The following DNM1 variants were observed in gnomAD, a reference collection of about 807,000 sequenced individuals.
DNM1 encodes the protein dynamin-1.
A neutral mutation model predicts 104.6 loss-of-function variants in DNM1; 29 were observed. The observed-to-expected ratio is 0.28, with a 90% CI of 0.21 to 0.38. The LOEUF is 0.38. Among genes scored for constraint, DNM1 ranks in the 10% least tolerant of loss-of-function variants. The probability of loss-of-function intolerance (pLI) is 1.00; values close to 1 mark genes in which losing one functional copy is unlikely to be tolerated. For synonymous variants in DNM1, 445 were observed against 475.8 expected, an observed-to-expected ratio of 0.94 and a Z score of 0.84; for missense variants, 640 against 1,189.4, an observed-to-expected ratio of 0.54 and a Z score of 6.79.
At position 128,220,933 on chromosome 9, in the gene DNM1, C is replaced by CTTTCT. The variant is rs752399546; in HGVS notation, c.849+595_849+596insCTTTT. On this transcript the variant is annotated intron_variant, in intron 6 of 21. Transcript: ENST00000372923. This position sits in a 1 kb window ranked among gnomAD's most constrained non-coding sequence, Gnocchi z 5.2. Reference sequence around the variant, plus strand: ...TCTTTCTTTCTTTCTTTCTTTCTTTCTTTTCTTTTCTTTCTTTCTTTCCTT... The same window carrying CTTTCT: ...TCTTTCTTTCTTTCTTTCTTTCTTTCTTTCTTTTTCTTTTCTTTCTTTCTTTCCTT... 2.3e-5 allele frequency among the ~76,000 whole-genome samples: 2 copies of CTTTCT among 86,396 alleles called. No homozygotes were observed. The highest frequency in any genetic ancestry group is 7.9e-5 in the African/African-American group (2 of 25,254). The allele number at this position is 86,396 out of a possible 152,430, so 56.7% of individuals were successfully genotyped here. A position where few individuals can be genotyped will look rare whatever the true frequency, so the allele number is the denominator to read the frequency against.
At chr9:128,230,378 TCACCATAG>T (rs1473489322) in intron 10 of DNM1, among the ~76,000 whole-genome samples, 8 of 151,142 alleles carry the variant, frequency 5.3e-5, no homozygotes, top group African/African-American at 1.9e-4. Context: ...AAAGGCGTAT[TCACCATAG>T]GAATCTTTTT....
intron 10 of DNM1, chr9:128,233,803 C>T (rs538645603): frequency 5.2e-6 from 3 of 581,550 alleles, no homozygotes; most frequent in African/African-American, 1.9e-5. Flanking sequence ...ACCAGGAAGA[C>T]CCTTGAATCA....
At chr9:128,207,794 G>T (rs1224516401) in intron 1 of DNM1, among the ~76,000 whole-genome samples, 1 of 152,158 alleles carries the variant, frequency 6.6e-6, no homozygotes, top group Non-Finnish European at 1.5e-5. Context: ...TGGAGGACGC[G>T]CTGCTTCTAT....
intron 21 of DNM1, chr9:128,252,613 A>G (rs1829597409): frequency 2.5e-6 from 1 of 398,720 alleles, no homozygotes; most frequent in Non-Finnish European, 5.0e-6. Context: ...AGAACCTTCA[A>G]AGTCTGAAAA....
At chr9:128,239,706 C>T in intron 12 of DNM1, 22 bp from the exon 13 acceptor site, 1 of 1,609,894 alleles carries the variant, frequency 6.2e-7, no homozygotes, top group Non-Finnish European at 8.5e-7. Context: ...AGTTCTGAGA[C>T]TCCTCCCCTC....
Position 128,222,154 on chromosome 9 carries a change from TG to T in DNM1, c.850-42del, listed in dbSNP as rs1234722430. 2 of 1,578,282 alleles carry T rather than the reference TG, an allele frequency of 1.3e-6. No homozygotes were observed. Among genetic ancestry groups the T allele is most frequent in the South Asian group, 2.4e-5 (2 of 84,724 alleles). On this transcript the variant is annotated intron_variant, in intron 6 of 21. Coordinates refer to ENST00000372923, the MANE Select transcript of DNM1 (RefSeq NM_004408.4). The surrounding 1 kb of genome is among the most constrained non-coding windows in gnomAD (Gnocchi z 7.8). ...TGGCATCCAAGTCCCTTCCTGGCCC[TG>T]TGACCATCTGTCCTCAACCCTTTCC... is the stretch of plus-strand genomic sequence containing the variant.
Position 128,218,231 on chromosome 9 carries a change from G to T in DNM1, c.162G>T (p.Arg54Ser). The change falls in exon 2 of 22, where the codon AGG (arginine) becomes AGT (serine). Residue 54 changes from arginine (R) to serine (S), a missense_variant and splice_region_variant. Coordinates refer to ENST00000372923, the MANE Select transcript of DNM1 (RefSeq NM_004408.4). This position sits in a 1 kb window ranked among gnomAD's most constrained non-coding sequence, Gnocchi z 4.8. ...KSSVLENFVG[R>S]DFLPRGSGIV... ...TCCTTTGACCTCCAACTCATTGCAG[G>T]GACTTCTTGCCTCGAGGATCTGGCA... is the stretch of plus-strand genomic sequence containing the variant. 2 of 1,614,060 alleles carry T rather than the reference G, an allele frequency of 1.2e-6. No individual in the cohort carries two copies. Among genetic ancestry groups the T allele is most frequent in the South Asian group, 2.2e-5 (2 of 91,068 alleles).
chr9:128,250,448 CG>C, intron 20 of DNM1, 92 bp downstream of exon 20: 1 of 1,346,688 alleles, frequency 7.4e-7, no homozygotes, highest in Non-Finnish European at 9.9e-7. Context: ...CCCGCGTCAC[CG>C]GGGTGGCTCC....
chr9:128,248,499 C>G lies in DNM1; in HGVS notation c.1906-84C>G. 2 of 1,524,108 alleles carry G rather than the reference C, an allele frequency of 1.3e-6. No homozygotes were observed. The highest frequency in any genetic ancestry group is 1.8e-6 in the Non-Finnish European group (2 of 1,117,170). The allele number at this position is 1,524,108 out of a possible 1,614,324, so 94.4% of individuals were successfully genotyped here. On this transcript the variant is annotated intron_variant, in intron 18 of 21. Coordinates refer to ENST00000372923, the MANE Select transcript of DNM1 (RefSeq NM_004408.4). This position sits in a 1 kb window ranked among gnomAD's most constrained non-coding sequence, Gnocchi z 5.6. ...CTCTGTGCCTCAATATTCTGGGTACCCTTGGAGGGGCTGAGATCCTGGGGA... is the reference window on the plus strand; with the variant it reads ...CTCTGTGCCTCAATATTCTGGGTACGCTTGGAGGGGCTGAGATCCTGGGGA...
Position 128,254,569 on chromosome 9 carries a change from CCCCGG to C in DNM1, c.2535-82_2535-78del. On this transcript the variant is annotated intron_variant, in intron 21 of 21. Transcript: ENST00000372923. The surrounding 1 kb of genome is among the most constrained non-coding windows in gnomAD (Gnocchi z 6.1). ...CCCACCACTGCTGCGGCGCGGCCGG[CCCCGG>C]CCGTGTGCTGCGCTTGCCTTACCAG... 3 of 1,587,268 alleles carry C rather than the reference CCCCGG, an allele frequency of 1.9e-6. No individual in the cohort carries two copies. The highest frequency in any genetic ancestry group is 2.6e-6 in the Non-Finnish European group (3 of 1,173,526).
At position 128,224,381 on chromosome 9, in the gene DNM1, A is replaced by G. The variant is rs369128054; in HGVS notation, c.1327A>G (p.Thr443Ala). The G allele has an allele frequency of 4.3e-6, 7 of 1,609,574 alleles. No individual in the cohort carries two copies. Among genetic ancestry groups the G allele is most frequent in the Non-Finnish European group, 5.9e-6 (7 of 1,176,822 alleles). Residue 443 changes from threonine to alanine, a missense_variant, in exon 10 of 22, where the codon ACC becomes GCC. Thr to Ala is a moderately conservative substitution (Grantham distance 58). Coordinates refer to ENST00000372923, the MANE Select transcript of DNM1 (RefSeq NM_004408.4). This position sits in a 1 kb window ranked among gnomAD's most constrained non-coding sequence, Gnocchi z 4.3. ...GCTAATCAGCACCGTTAGACAGTGCACCAAGAAGGTAACCCGGAGGCCCGG... is the reference window on the plus strand; with the variant it reads ...GCTAATCAGCACCGTTAGACAGTGCGCCAAGAAGGTAACCCGGAGGCCCGG... ...SELISTVRQC[T>A]KKLQQYPRLR...
chr9:128,227,216 G>A (rs182860842), intron 10 of DNM1, among the ~76,000 whole-genome samples: 16 of 151,486 alleles, frequency 1.1e-4, no homozygotes, highest in South Asian at 4.2e-4. Flanking sequence ...GTTTTGCCAC[G>A]TTGGCCAGGC....
In DNM1 at chr9:128,248,558, G is replaced by A; in HGVS notation, c.1906-25G>A. On this transcript the variant is annotated intron_variant, in intron 18 of 21. Coordinates refer to ENST00000372923, the MANE Select transcript of DNM1 (RefSeq NM_004408.4). The surrounding 1 kb of genome is among the most constrained non-coding windows in gnomAD (Gnocchi z 5.6). ...GCCTGGCTGCATGGCCTGGCCACCT[G>A]ATGCCCTTGTGTTCTCCATGGCAGG... The A allele has an allele frequency of 2.5e-6, 4 of 1,605,276 alleles. No individual in the cohort carries two copies. Among genetic ancestry groups the A allele is most frequent in the Non-Finnish European group, 3.4e-6 (4 of 1,172,944 alleles).
intron 11 of DNM1, among the ~76,000 whole-genome samples, chr9:128,236,334 C>G (rs1280303843): frequency 6.6e-6 from 1 of 152,206 alleles, no homozygotes; most frequent in Non-Finnish European, 1.5e-5. Context: ...TCCCATTTCC[C>G]ATTTCCTGTT....
intron 10 of DNM1, chr9:128,233,811 T>A (rs1274333741): frequency 1.7e-6 from 1 of 583,900 alleles, no homozygotes; most frequent in Non-Finnish European, 3.1e-6. Context: ...GACCCTTGAA[T>A]CACCATTTGG....
chr9:128,218,514 T>A lies in DNM1; in HGVS notation c.236-68T>A. 6.4e-7 allele frequency: 1 copy of A among 1,553,614 alleles called. No homozygotes were observed. The highest frequency in any genetic ancestry group is 8.8e-7 in the Non-Finnish European group (1 of 1,140,386). On this transcript the variant is annotated intron_variant, in intron 2 of 21. Coordinates refer to ENST00000372923, the MANE Select transcript of DNM1 (RefSeq NM_004408.4). This position sits in a 1 kb window ranked among gnomAD's most constrained non-coding sequence, Gnocchi z 4.8. ...AGGGGGTTCTATTACCGGTGGGAGA[T>A]GAAAACCCCCAGGTGGGGTTCCAGA...
chr9:128,237,174 A>G (rs1836064908), intron 11 of DNM1, among the ~76,000 whole-genome samples: 1 of 152,176 alleles, frequency 6.6e-6, no homozygotes. Context: ...CCATCTGGAA[A>G]GTCATTCTCA....
chr9:128,253,327 G>T lies in DNM1; in HGVS notation c.2535-1327G>T. 1 of 613,320 alleles carries T rather than the reference G, an allele frequency of 1.6e-6. No homozygotes were observed. Among genetic ancestry groups the T allele is most frequent in the Non-Finnish European group, 2.9e-6 (1 of 345,104 alleles). 38.0% of individuals were successfully genotyped at this position (613,320 alleles called of 1,614,324 possible). A position where few individuals can be genotyped will look rare whatever the true frequency, so the allele number is the denominator to read the frequency against. On this transcript the variant is annotated intron_variant, in intron 21 of 21. Coordinates refer to ENST00000372923, the MANE Select transcript of DNM1 (RefSeq NM_004408.4). The surrounding 1 kb of genome is among the most constrained non-coding windows in gnomAD (Gnocchi z 5.9). ...CTCACCTCCCTTCCCTGCGAGCCTC[G>T]GGACTCAGTGCCACTGCCCAAGGCC...
In DNM1 at chr9:128,220,750, T is replaced by C. The variant is rs1249752435; in HGVS notation, c.849+409T>C. Among the ~76,000 whole-genome samples the C allele has an allele frequency of 1.0e-4, 14 of 137,146 alleles. No individual in the cohort carries two copies. The South Asian group carries it at 2.1e-3, about 21-fold the overall frequency. 90.0% of individuals were successfully genotyped at this position (137,146 alleles called of 152,430 possible). On this transcript the variant is annotated intron_variant, in intron 6 of 21. Transcript: ENST00000372923. The surrounding 1 kb of genome is among the most constrained non-coding windows in gnomAD (Gnocchi z 5.2). ...AAGTGCGCGCGCGCGCGCGTGTGTG[T>C]GTGTGTGTGTGTGTGTGTCTGTCTG...
Sources: allele counts gnomAD v4.1 joint callset (sites outside exome capture counted in the v4.1 genomes callset), GRCh38; gene constraint gnomAD v4.1.1; non-coding constraint Gnocchi (gnomAD v3.1); transcripts MANE v1.5; gene names NCBI Gene and HGNC (gene_info 2026-07-23, HGNC 2026-07-21).